The following DNAL1 variants were observed in gnomAD, a reference collection of about 807,000 sequenced individuals.
DNAL1 encodes chromosome 14 open reading frame 168.
A neutral mutation model predicts 29.4 loss-of-function variants in DNAL1; 17 were observed. The observed-to-expected ratio is 0.58, with a 90% CI of 0.40 to 0.87. The LOEUF is 0.87. DNAL1 is among the 40% of genes least tolerant of loss of function. The pLI is 0.00. For synonymous variants in DNAL1, 78 were observed against 76.3 expected (o/e 1.02, Z -0.12); for missense variants, 188 against 214.1 (o/e 0.88, Z 0.76).
chr14:73,660,726 A>G (rs1324624992), intron 3 of DNAL1, among the ~76,000 whole-genome samples: 1 of 152,086 alleles, frequency 6.6e-6, no homozygotes, highest in East Asian at 1.9e-4. Context: ...ATCCACCACC[A>G]CATGCTTTTT....
At position 73,699,857 on chromosome 14, in the gene DNAL1, G is replaced by A. The variant is rs1228837541; in HGVS notation, c.*3915G>A. Reference sequence around the variant, plus strand: ...CATCATTCTTTAAGCGTCATTCATTGTCTAATCACATAATTTTGCAGACCA... The same window carrying A: ...CATCATTCTTTAAGCGTCATTCATTATCTAATCACATAATTTTGCAGACCA... On this transcript the variant is annotated 3_prime_UTR_variant, in exon 8 of 8. Transcript: ENST00000553645. The A allele has an allele frequency of 1.3e-5, 2 of 152,134 alleles. No homozygotes were observed. Among genetic ancestry groups the A allele is most frequent in the Non-Finnish European group, 2.9e-5 (2 of 68,016 alleles). 9.4% of individuals were successfully genotyped at this position (152,134 alleles called of 1,614,324 possible). A position where few individuals can be genotyped will look rare whatever the true frequency, so the allele number is the denominator to read the frequency against.
Position 73,661,510 on chromosome 14 carries a change from C to T in DNAL1, c.153-477C>T, listed in dbSNP as rs565389383. ...CTCTAATCCCAGCACTTTGGGAGGC[C>T]GAAGCAAGTGGATCACTTGAGGTCA... On this transcript the variant is annotated intron_variant, in intron 3 of 7. Transcript: ENST00000553645. Among the ~76,000 whole-genome samples, 10 of 152,222 alleles carry T rather than the reference C, an allele frequency of 6.6e-5. 2 individuals are homozygous for T. The East Asian group carries it at 7.7e-4, about 12-fold the overall frequency.
chr14:73,660,256 T>C (rs958114792), intron 3 of DNAL1, among the ~76,000 whole-genome samples: 1 of 152,224 alleles, frequency 6.6e-6, no homozygotes, highest in African/African-American at 2.4e-5. Flanking sequence ...CTATATCCTG[T>C]GACTTTAAAT....
intron 5 of DNAL1, among the ~76,000 whole-genome samples, chr14:73,682,575 AG>A (rs1891914807): frequency 6.6e-6 from 1 of 151,888 alleles, no homozygotes; most frequent in African/African-American, 2.4e-5. Flanking sequence ...ATTGTATAGT[AG>A]TATAAAAATA....
At chr14:73,652,075 T>A (rs1254414553) in intron 1 of DNAL1, among the ~76,000 whole-genome samples, 1 of 152,148 alleles carries the variant, frequency 6.6e-6, no homozygotes, top group Non-Finnish European at 1.5e-5. Flanking sequence ...TCTTGCTTTG[T>A]CACCCAGGCT....
At chr14:73,679,396 C>A (rs1891821401) in intron 5 of DNAL1, among the ~76,000 whole-genome samples, 1 of 151,968 alleles carries the variant, frequency 6.6e-6, no homozygotes, top group African/African-American at 2.4e-5. Flanking sequence ...AAAATGCAAA[C>A]AGAAAAATGC....
intron 4 of DNAL1, among the ~76,000 whole-genome samples, chr14:73,665,090 T>C (rs1269193494): frequency 6.6e-6 from 1 of 152,214 alleles, no homozygotes; most frequent in Admixed American, 6.5e-5. Context: ...TCAATAAATA[T>C]TAACCATTAT....
rs1892408576 is a variant in DNAL1 at position 73,700,501 on chromosome 14, G to C, written c.*4559G>C. Reference sequence around the variant, plus strand: ...GACTGTTGACTTATTCTGAGAATTGGTGATGTGTAAAGAGAGTTGGAATCT... The same window carrying C: ...GACTGTTGACTTATTCTGAGAATTGCTGATGTGTAAAGAGAGTTGGAATCT... On this transcript the variant is annotated 3_prime_UTR_variant, in exon 8 of 8. Transcript: ENST00000553645. 1 of 152,218 alleles carries C rather than the reference G, an allele frequency of 6.6e-6. No homozygotes were observed. Among genetic ancestry groups the C allele is most frequent in the Non-Finnish European group, 1.5e-5 (1 of 68,046 alleles). The allele number at this position is 152,218 out of a possible 1,614,324, so 9.4% of individuals were successfully genotyped here.
intron 5 of DNAL1, chr14:73,673,119 T>C (rs1891654526): frequency 6.6e-6 from 1 of 152,124 alleles, no homozygotes; most frequent in Admixed American, 6.6e-5. Flanking sequence ...TAGCCTTCTG[T>C]CCAGTTTCTG....
chr14:73,659,802 C>T (rs910429776), intron 3 of DNAL1: 2 of 152,114 alleles, frequency 1.3e-5, no homozygotes. Flanking sequence ...CATTATAAAA[C>T]ATCTGGAAAA....
chr14:73,670,797 C>T (rs973034698), intron 4 of DNAL1, among the ~76,000 whole-genome samples: 3 of 151,234 alleles, frequency 2.0e-5, no homozygotes, highest in South Asian at 2.1e-4. Flanking sequence ...AGTGCAGTGG[C>T]GAGATCTCGG....
intron 7 of DNAL1, among the ~76,000 whole-genome samples, chr14:73,691,725 G>T (rs1311071094): frequency 6.6e-6 from 1 of 151,452 alleles, no homozygotes; most frequent in Non-Finnish European, 1.5e-5. Flanking sequence ...TTAGAGTCTG[G>T]CTCTGTTGCC....
At chr14:73,683,987 G>T (rs953691144) in intron 5 of DNAL1, among the ~76,000 whole-genome samples, 11 of 152,092 alleles carry the variant, frequency 7.2e-5, no homozygotes, top group Non-Finnish European at 1.0e-4. Context: ...GATTACAGGC[G>T]TGAGCCACCG....
At chr14:73,687,830 G>A (rs1450935150) in intron 6 of DNAL1, among the ~76,000 whole-genome samples, 1 of 152,086 alleles carries the variant, frequency 6.6e-6, no homozygotes, top group Non-Finnish European at 1.5e-5. Flanking sequence ...CCGAGATCGC[G>A]CCGCTGCACT....
chr14:73,679,721 C>A (rs991542730), intron 5 of DNAL1, among the ~76,000 whole-genome samples: 6 of 152,034 alleles, frequency 3.9e-5, no homozygotes, highest in African/African-American at 1.4e-4. Context: ...TTTTGTTAGT[C>A]AAATCTTTAT....
chr14:73,675,226 A>C (rs1267922770), intron 5 of DNAL1, among the ~76,000 whole-genome samples: 5 of 151,822 alleles, frequency 3.3e-5, no homozygotes, highest in Non-Finnish European at 7.4e-5. Context: ...ACACACACAC[A>C]CACACAAATC....
At chr14:73,656,026 T>G (rs1891209532) in intron 2 of DNAL1, among the ~76,000 whole-genome samples, 1 of 152,202 alleles carries the variant, frequency 6.6e-6, no homozygotes, top group South Asian at 2.1e-4. Flanking sequence ...TGTCAGTAGT[T>G]TTTTTGCATC....
chr14:73,687,575 A>T (rs1478318828), intron 6 of DNAL1, among the ~76,000 whole-genome samples, 190 bp downstream of exon 6: 2 of 152,218 alleles, frequency 1.3e-5, no homozygotes, highest in African/African-American at 4.8e-5. Flanking sequence ...TTATATTTAA[A>T]TATTTACTTA....
Position 73,645,006 on chromosome 14 carries a change from A to C in DNAL1, c.-34A>C, listed in dbSNP as rs1394230334. On this transcript the variant is annotated 5_prime_UTR_variant, in exon 1 of 8. Transcript: ENST00000553645. Reference sequence around the variant, plus strand: ...CACGCGCACTGACCCCGCGGGCCCTAGCAACCAGAGCAGTGACAGTAGCAA... The same window carrying C: ...CACGCGCACTGACCCCGCGGGCCCTCGCAACCAGAGCAGTGACAGTAGCAA... The C allele has an allele frequency of 3.7e-6, 6 of 1,607,714 alleles. No individual in the cohort carries two copies. The African/African-American group carries it at 5.3e-5, about 14-fold the overall frequency.
Sources: allele counts gnomAD v4.1 joint callset (sites outside exome capture counted in the v4.1 genomes callset), GRCh38; gene constraint gnomAD v4.1.1; transcripts MANE v1.5; gene names NCBI Gene and HGNC (gene_info 2026-07-23, HGNC 2026-07-21).